The following NUDC variants were observed in gnomAD, a reference collection of about 807,000 sequenced individuals.
NUDC encodes nuclear distribution C, dynein complex regulator.
In NUDC, 14 loss-of-function variants were observed where a neutral mutation model predicts 45.0. That is an observed-to-expected ratio of 0.31 (90% CI 0.21 to 0.49). The LOEUF is 0.49. NUDC is among the 20% of genes least tolerant of loss of function. The pLI, the probability that NUDC is intolerant of heterozygous loss-of-function variation, is 0.99. For missense variants in NUDC, 323 were observed against 426.2 expected (o/e 0.76, Z 2.13); for synonymous variants, 153 against 156.7 (o/e 0.98, Z 0.17).
chr1:26,910,082 A>G (rs1194891105), intron 2 of NUDC, among the ~76,000 whole-genome samples: 1 of 152,056 alleles, frequency 6.6e-6, no homozygotes, highest in Non-Finnish European at 1.5e-5. Context: ...CTTTACTATG[A>G]CGCAGGGAAG....
At chr1:26,914,566 T>C (rs2082051224) in intron 3 of NUDC, among the ~76,000 whole-genome samples, 1 of 152,146 alleles carries the variant, frequency 6.6e-6, no homozygotes, top group Admixed American at 6.5e-5. Context: ...ATTCCAGTTC[T>C]GGGCCCCCTG....
At chr1:26,921,574 C>T (rs982950020), upstream of NUDC, among the ~76,000 whole-genome samples, 2 of 152,262 alleles carry the variant, frequency 1.3e-5, no homozygotes, top group African/African-American at 2.4e-5. Context: ...CACGGCTCCG[C>T]CTACCGCTTC....
Sources: gnomAD v4.1 joint callset for allele counts (sites outside exome capture counted in the v4.1 genomes callset) on GRCh38, gnomAD v4.1.1 for gene constraint, MANE v1.5 for transcripts, NCBI Gene and HGNC (gene_info 2026-07-23, HGNC 2026-07-21) for gene names.